PKIA: variants seen among roughly 807,000 people sequenced by gnomAD.
The protein encoded by PKIA is cAMP-dependent protein kinase inhibitor alpha.
PKIA carries 4 observed loss-of-function variants against 7.6 expected under a neutral mutation model. That is an observed-to-expected ratio of 0.52 (90% CI 0.26 to 1.20). The LOEUF is 1.20. Ranked by LOEUF, PKIA falls within the 50% of genes most tolerant of loss-of-function variation. The pLI is 0.13. For missense variants in PKIA, 73 were observed against 86.2 expected, an observed-to-expected ratio of 0.85 and a Z score of 0.61; for synonymous variants, 21 against 30.7, an observed-to-expected ratio of 0.68 and a Z score of 1.04.
rs559217438 is a variant in PKIA, at chr8:78,524,081, TAA to T, written c.-157+7615_-157+7616del. ...AAACATTTATATTTATATATAAATA[TAA>T]ATAAACATTTATATTTATATATAAA... On this transcript the variant is annotated intron_variant, in intron 1 of 3. Coordinates refer to ENST00000396418, the MANE Select transcript of PKIA (RefSeq NM_006823.4). 2.6e-5 allele frequency among the ~76,000 whole-genome samples: 3 copies of T among 115,130 alleles called. 1 individual carries two copies. Among genetic ancestry groups the T allele is most frequent in the African/African-American group, 9.8e-5 (2 of 20,384 alleles). 75.5% of individuals were successfully genotyped at this position (115,130 alleles called of 152,430 possible). A position where few individuals can be genotyped will look rare whatever the true frequency, so the allele number is the denominator to read the frequency against.
chr8:78,523,105 CA>C (rs917594380), intron 1 of PKIA, among the ~76,000 whole-genome samples: 1 of 151,800 alleles, frequency 6.6e-6, no homozygotes, highest in African/African-American at 2.4e-5. Context: ...TTTACTTAAA[CA>C]TTAAAATGCT....
chr8:78,540,268 A>G (rs1336336836), intron 1 of PKIA, among the ~76,000 whole-genome samples: 1 of 152,024 alleles, frequency 6.6e-6, no homozygotes, highest in Non-Finnish European at 1.5e-5. Flanking sequence ...CCTAGCAAGT[A>G]TTAGGGAGGG....
chr8:78,547,583 T>A (rs1806862478), intron 1 of PKIA, among the ~76,000 whole-genome samples: 1 of 152,142 alleles, frequency 6.6e-6, no homozygotes, highest in Non-Finnish European at 1.5e-5. Flanking sequence ...CTGCTTTGAG[T>A]CATATGAATA....
At chr8:78,522,858 C>A (rs568412152) in intron 1 of PKIA, among the ~76,000 whole-genome samples, 11 of 151,758 alleles carry the variant, frequency 7.2e-5, no homozygotes, top group African/African-American at 2.2e-4. Context: ...TATGGTAAAT[C>A]TTTTATTTTT....
intron 2 of PKIA, among the ~76,000 whole-genome samples, chr8:78,580,942 A>G (rs945208091): frequency 6.6e-6 from 1 of 151,978 alleles, no homozygotes; most frequent in Non-Finnish European, 1.5e-5. Context: ...CTGTAGATGA[A>G]CGTGTTTTCA....
intron 2 of PKIA, among the ~76,000 whole-genome samples, chr8:78,583,063 T>C (rs1221476845): frequency 6.6e-6 from 1 of 152,162 alleles, no homozygotes; most frequent in Non-Finnish European, 1.5e-5. Flanking sequence ...TATACCTGGT[T>C]ATAAATAGCA....
intron 2 of PKIA, among the ~76,000 whole-genome samples, chr8:78,578,350 A>G (rs1287279057): frequency 6.6e-6 from 1 of 152,002 alleles, no homozygotes; most frequent in Non-Finnish European, 1.5e-5. Context: ...TTAAACTGTA[A>G]TCATTCATCT....
At chr8:78,524,694 A>G (rs1809508445) in intron 1 of PKIA, among the ~76,000 whole-genome samples, 1 of 151,944 alleles carries the variant, frequency 6.6e-6, no homozygotes, top group African/African-American at 2.4e-5. Context: ...ATAACTCAGG[A>G]TTTCAAAGCA....
intron 2 of PKIA, among the ~76,000 whole-genome samples, chr8:78,582,512 A>G (rs1397598988): frequency 6.6e-6 from 1 of 151,992 alleles, no homozygotes; most frequent in African/African-American, 2.4e-5. Flanking sequence ...CCCTCCCACA[A>G]CACGTGAGGA....
intron 2 of PKIA, among the ~76,000 whole-genome samples, chr8:78,582,213 T>C (rs764285963): frequency 2.0e-5 from 3 of 151,286 alleles, no homozygotes; most frequent in Admixed American, 6.6e-5. Flanking sequence ...TTTTTTCTAA[T>C]GATGTTTGTA....
intron 1 of PKIA, among the ~76,000 whole-genome samples, chr8:78,559,652 G>C (rs1807236649): frequency 6.6e-6 from 1 of 152,152 alleles, no homozygotes; most frequent in Admixed American, 6.6e-5. Flanking sequence ...AGGCTATGGA[G>C]CTGCTTTCCC....
At chr8:78,570,809 T>G (rs1807528874) in intron 1 of PKIA, among the ~76,000 whole-genome samples, 1 of 152,156 alleles carries the variant, frequency 6.6e-6, no homozygotes, top group South Asian at 2.1e-4. Context: ...AACCATTCTT[T>G]TTCTTTCTAC....
At chr8:78,592,637 ATT>A (rs557356973) in intron 2 of PKIA, among the ~76,000 whole-genome samples, 78 of 152,250 alleles carry the variant, frequency 5.1e-4, no homozygotes, top group African/African-American at 1.8e-3. Flanking sequence ...TCATGTGTTC[ATT>A]ACTTGGGAGT....
At chr8:78,585,838 GA>G (rs1807938008) in intron 2 of PKIA, among the ~76,000 whole-genome samples, 1 of 152,244 alleles carries the variant, frequency 6.6e-6, no homozygotes, top group Admixed American at 6.5e-5. Context: ...CATTCACTCA[GA>G]AAAGAAAAGA....
intron 2 of PKIA, among the ~76,000 whole-genome samples, chr8:78,574,755 TTTTTG>T (rs1271490247): frequency 6.6e-6 from 1 of 152,010 alleles, no homozygotes; most frequent in Non-Finnish European, 1.5e-5. Flanking sequence ...CTATGCACAA[TTTTTG>T]TCTTTGTATG....
At chr8:78,592,948 C>G (rs1205150142) in intron 2 of PKIA, among the ~76,000 whole-genome samples, 1 of 152,058 alleles carries the variant, frequency 6.6e-6, no homozygotes, top group African/African-American at 2.4e-5. Context: ...AGTACAATGC[C>G]CTTTACACAA....
intron 1 of PKIA, among the ~76,000 whole-genome samples, chr8:78,538,683 T>G (rs1806597416): frequency 6.6e-6 from 1 of 152,018 alleles, no homozygotes; most frequent in Non-Finnish European, 1.5e-5. Flanking sequence ...GGTAATATAT[T>G]AAATTTGTGG....
At chr8:78,524,181 T>C in intron 1 of PKIA, among the ~76,000 whole-genome samples, 1 of 139,696 alleles carries the variant, frequency 7.2e-6, no homozygotes, top group Non-Finnish European at 1.5e-5. Flanking sequence ...AACATTTATA[T>C]TTATATATAA....
intron 1 of PKIA, among the ~76,000 whole-genome samples, chr8:78,542,452 C>T (rs1214897611): frequency 1.3e-5 from 2 of 152,102 alleles, no homozygotes; most frequent in Non-Finnish European, 2.9e-5. Context: ...TCCACTGCAA[C>T]AATAAGAGAT....
Sources: gnomAD v4.1 joint callset for allele counts (sites outside exome capture counted in the v4.1 genomes callset) on GRCh38, gnomAD v4.1.1 for gene constraint, MANE v1.5 for transcripts, NCBI Gene and HGNC (gene_info 2026-07-23, HGNC 2026-07-21) for gene names.